Variants in NLGN1 observed in about 807,000 individuals in gnomAD.
The protein encoded by NLGN1 is neuroligin-1.
A neutral mutation model predicts 65.5 loss-of-function variants in NLGN1; 12 were observed. The ratio of observed to expected loss-of-function variants is 0.18; its 90% CI spans 0.12 to 0.30. NLGN1 has a LOEUF of 0.30. Among genes scored for constraint, NLGN1 ranks in the 10% least tolerant of loss-of-function variants. The pLI is 1.00. For missense variants in NLGN1, 750 were observed against 1,007.1 expected, an observed-to-expected ratio of 0.74 and a Z score of 3.46; for synonymous variants, 350 against 359.5, an observed-to-expected ratio of 0.97 and a Z score of 0.30.
chr3:173,940,625 G>A (rs913148849), intron 4 of NLGN1, among the ~76,000 whole-genome samples: 1 of 152,074 alleles, frequency 6.6e-6, no homozygotes, highest in Non-Finnish European at 1.5e-5. Context: ...AAGAATGAAG[G>A]AGTCTGACCC....
intron 3 of NLGN1, among the ~76,000 whole-genome samples, chr3:173,786,944 G>A (rs746234776): frequency 6.6e-6 from 1 of 152,072 alleles, no homozygotes; most frequent in Non-Finnish European, 1.5e-5. Context: ...GGGTGTGGTG[G>A]CAGGCACCTG....
chr3:173,708,601 T>C (rs1042025580), intron 3 of NLGN1, among the ~76,000 whole-genome samples: 1 of 152,190 alleles, frequency 6.6e-6, no homozygotes, highest in African/African-American at 2.4e-5. Flanking sequence ...ACGTAAGGAA[T>C]AGCCTAGAAA....
At chr3:173,981,026 A>G (rs1242134478) in intron 4 of NLGN1, among the ~76,000 whole-genome samples, 1 of 152,098 alleles carries the variant, frequency 6.6e-6, no homozygotes, top group Non-Finnish European at 1.5e-5. Flanking sequence ...TTTATACCAA[A>G]TCCTAATAAT....
chr3:173,560,563 A>T (rs1441197023), intron 2 of NLGN1, among the ~76,000 whole-genome samples: 1 of 151,966 alleles, frequency 6.6e-6, no homozygotes, highest in Admixed American at 6.6e-5. Context: ...ATACCCGTCT[A>T]TTTTAGGTTA....
In NLGN1 at chr3:173,777,607, TTCTGTCTG is replaced by T. The variant is rs149878598; in HGVS notation, c.494-30053_494-30046del. Reference sequence around the variant, plus strand: ...CTGTGCAATAGAAGACCAGAATGTATTCTGTCTGTCTGTCTGTCTGTCTGTCTATCTAT... The same window carrying T: ...CTGTGCAATAGAAGACCAGAATGTATTCTGTCTGTCTGTCTGTCTATCTAT... On this transcript the variant is annotated intron_variant, in intron 3 of 6. Coordinates refer to ENST00000457714, the Ensembl canonical transcript of NLGN1. Among the ~76,000 whole-genome samples, 1,422 of 149,658 alleles carry T rather than the reference TTCTGTCTG, an allele frequency of 9.5e-3. 16 individuals carry two copies. Among genetic ancestry groups the T allele is most frequent in the African/African-American group, 0.024 (950 of 40,416 alleles).
intron 4 of NLGN1, among the ~76,000 whole-genome samples, chr3:174,208,664 G>GA (rs35797766): frequency 3.0e-4 from 44 of 144,290 alleles, no homozygotes; most frequent in South Asian, 1.1e-3. Flanking sequence ...CCATTATAGG[G>GA]AAAAAAAAAA....
At chr3:174,172,180 C>CAT (rs1728669252) in intron 4 of NLGN1, among the ~76,000 whole-genome samples, 1 of 151,886 alleles carries the variant, frequency 6.6e-6, no homozygotes, top group South Asian at 2.1e-4. Flanking sequence ...TGTCATAGAT[C>CAT]ATATATCTAT....
intron 4 of NLGN1, among the ~76,000 whole-genome samples, chr3:174,000,756 T>G (rs775352916): frequency 6.6e-5 from 10 of 152,154 alleles, no homozygotes; most frequent in Non-Finnish European, 1.2e-4. Context: ...ACTTAAGTAA[T>G]GGATAGATTT....
intron 4 of NLGN1, among the ~76,000 whole-genome samples, chr3:174,001,632 C>T (rs926415148): frequency 8.5e-5 from 13 of 152,124 alleles, no homozygotes; most frequent in African/African-American, 2.9e-4. Context: ...GACCTTGTTT[C>T]CTCATCAATA....
At chr3:174,066,516 GTCTCTCTCTCTCTCTCTCTC>G (rs373763421) in intron 4 of NLGN1, among the ~76,000 whole-genome samples, 85 of 67,000 alleles carry the variant, frequency 1.3e-3, no homozygotes, top group East Asian at 3.1e-3. Context: ...TATGGAACAA[GTCTCTCTCTCTCTCTCTCTC>G]TCTCTCTCTC....
intron 2 of NLGN1, among the ~76,000 whole-genome samples, chr3:173,578,666 A>C (rs932659396): frequency 2.0e-5 from 3 of 152,196 alleles, no homozygotes; most frequent in African/African-American, 7.2e-5. Flanking sequence ...GTGTTTTTTC[A>C]GTACTTAAGA....
intron 4 of NLGN1, among the ~76,000 whole-genome samples, chr3:174,060,540 G>T (rs1334647504): frequency 2.0e-5 from 3 of 152,010 alleles, no homozygotes; most frequent in African/African-American, 7.2e-5. Context: ...TCTTGAAGGA[G>T]ATTGCTGATC....
At chr3:174,026,203 T>C (rs1297805605) in intron 4 of NLGN1, among the ~76,000 whole-genome samples, 1 of 152,176 alleles carries the variant, frequency 6.6e-6, no homozygotes, top group Non-Finnish European at 1.5e-5. Context: ...CACTGCTCAC[T>C]GCAGCCTTGA....
intron 4 of NLGN1, among the ~76,000 whole-genome samples, chr3:173,899,168 T>C (rs1269663179): frequency 1.3e-5 from 2 of 152,140 alleles, no homozygotes; most frequent in Non-Finnish European, 2.9e-5. Context: ...CTGTGGGTTC[T>C]ATTATTTTAG....
intron 4 of NLGN1, among the ~76,000 whole-genome samples, chr3:174,098,857 A>G (rs894045148): frequency 6.6e-6 from 1 of 152,216 alleles, no homozygotes; most frequent in Non-Finnish European, 1.5e-5. Flanking sequence ...GCAAACACCA[A>G]AAAAGTGAGT....
chr3:173,807,599 A>C (rs962638718), intron 3 of NLGN1, 81 bp from the exon 4 acceptor site: 2 of 1,490,690 alleles, frequency 1.3e-6, no homozygotes, highest in African/African-American at 2.8e-5. Context: ...CCCTCTTTTC[A>C]CTAAGATGGA....
At chr3:173,449,817 T>C (rs762918189) in intron 2 of NLGN1, among the ~76,000 whole-genome samples, 162 of 152,356 alleles carry the variant, frequency 1.1e-3, no homozygotes, top group Non-Finnish European at 2.0e-3. Flanking sequence ...CATTATCTAA[T>C]GGCCTTCTTT....
intron 4 of NLGN1, among the ~76,000 whole-genome samples, chr3:173,863,498 A>G (rs978862861): frequency 1.3e-5 from 2 of 152,208 alleles, no homozygotes; most frequent in African/African-American, 4.8e-5. Flanking sequence ...TGCGTATATA[A>G]TGGCATTTAC....
At chr3:174,288,294 C>T (rs1255731179), downstream of NLGN1, among the ~76,000 whole-genome samples, 1 of 151,368 alleles carries the variant, frequency 6.6e-6, no homozygotes, top group Non-Finnish European at 1.5e-5. Context: ...TATAGTATGC[C>T]AATTCAAATT....
Sources: gnomAD v4.1 joint callset for allele counts (sites outside exome capture counted in the v4.1 genomes callset) on GRCh38, gnomAD v4.1.1 for gene constraint, MANE v1.5 for transcripts, NCBI Gene and HGNC (gene_info 2026-07-23, HGNC 2026-07-21) for gene names.